Variants in EPS15 observed in about 807,000 individuals in gnomAD.
The protein encoded by EPS15 is epidermal growth factor receptor substrate 15.
In EPS15, 72 loss-of-function variants were observed where a neutral mutation model predicts 113.8. The ratio of observed to expected loss-of-function variants is 0.63; its 90% CI spans 0.52 to 0.77. The LOEUF is 0.77. Ranked by LOEUF, EPS15 falls within the 30% of genes least tolerant of loss-of-function variation. The pLI, the probability that EPS15 is intolerant of heterozygous loss-of-function variation, is 0.00. For synonymous variants in EPS15, 344 were observed against 363.4 expected, an observed-to-expected ratio of 0.95 and a Z score of 0.61; for missense variants, 1,048 against 1,045.8, an observed-to-expected ratio of 1.00 and a Z score of -0.03.
At chr1:51,400,712 CAAA>C (rs375748381) in intron 19 of EPS15, among the ~76,000 whole-genome samples, 3 of 60,184 alleles carry the variant, frequency 5.0e-5, no homozygotes, top group African/African-American at 1.3e-4. Flanking sequence ...CAAAAAACAC[CAAA>C]AAAAAAAAAA....
chr1:51,444,879 G>A lies in EPS15; in HGVS notation c.954+10C>T. 1 of 1,609,416 alleles carries A rather than the reference G, an allele frequency of 6.2e-7. No homozygotes were observed. Among genetic ancestry groups the A allele is most frequent in the East Asian group, 2.2e-5 (1 of 44,828 alleles). On this transcript the variant is annotated intron_variant, in intron 11 of 24. Transcript: ENST00000371733. ...TTAATACATTCAGGTTTCCTTTTAA[G>A]CTTTCTTACCTTTTGTAAACTGGCC...
intron 21 of EPS15, chr1:51,373,176 A>C (rs964683583): frequency 6.3e-6 from 1 of 157,788 alleles, no homozygotes; most frequent in Non-Finnish European, 1.4e-5. Context: ...AGTAAGATAT[A>C]GATAAGGAAA....
chr1:51,490,430 T>C (rs1644210869), intron 1 of EPS15: 1 of 300,466 alleles, frequency 3.3e-6, no homozygotes, highest in South Asian at 2.4e-5. Flanking sequence ...CTGGGCGTGG[T>C]GGCGGGTGCC....
rs1260691229 is a variant in EPS15, at chr1:51,361,226, G to C, written c.2489C>G (p.Ala830Gly). The change falls in exon 24 of 25, where the codon GCT becomes GGT. Residue 830 changes from alanine to glycine, a missense_variant. Transcript: ENST00000371733. ...PEIFCDPFTS[A>G]TTTTNKEADP... Reference sequence around the variant, plus strand: ...AGCCTCTTTATTGGTAGTGGTAGTAGCAGAAGTGAATGGATCACAAAATAT... The same window carrying C: ...AGCCTCTTTATTGGTAGTGGTAGTACCAGAAGTGAATGGATCACAAAATAT... 1 of 1,613,932 alleles carries C rather than the reference G, an allele frequency of 6.2e-7. No homozygotes were observed. Among genetic ancestry groups the C allele is most frequent in the East Asian group, 2.2e-5 (1 of 44,872 alleles).
At chr1:51,430,977 TAC>T (rs67920039) in intron 12 of EPS15, among the ~76,000 whole-genome samples, 30,938 of 121,736 alleles carry the variant, frequency 0.25, 3,581 homozygotes, top group East Asian at 0.48. Flanking sequence ...ATTACTTACA[TAC>T]ACACACACAC....
intron 2 of EPS15, among the ~76,000 whole-genome samples, chr1:51,480,515 GTTGT>G (rs150980910): frequency 0.012 from 1,757 of 152,114 alleles, 11 homozygotes; most frequent in Non-Finnish European, 0.017. Flanking sequence ...TTTTTTTGTT[GTTGT>G]TTGTTTGTTT....
At chr1:51,452,982 C>T (rs979849418) in intron 8 of EPS15, among the ~76,000 whole-genome samples, 10 of 152,316 alleles carry the variant, frequency 6.6e-5, no homozygotes, top group Non-Finnish European at 1.5e-4. Context: ...AGGAACCACA[C>T]TTAACCAAGA....
chr1:51,374,995 T>TC (rs1646757914), intron 21 of EPS15, among the ~76,000 whole-genome samples: 1 of 141,624 alleles, frequency 7.1e-6, no homozygotes, highest in African/African-American at 2.7e-5. Flanking sequence ...TTAATATACT[T>TC]CTTTTTTTTT....
intron 1 of EPS15, among the ~76,000 whole-genome samples, chr1:51,494,536 C>G (rs975552679): frequency 6.6e-6 from 1 of 152,236 alleles, no homozygotes; most frequent in Non-Finnish European, 1.5e-5. Context: ...TTTGATGCTG[C>G]AGCTGAGAAA....
chr1:51,456,361 G>A (rs897856733), intron 8 of EPS15, among the ~76,000 whole-genome samples: 32 of 152,006 alleles, frequency 2.1e-4, no homozygotes, highest in Admixed American at 9.2e-4. Context: ...CAGACACGGG[G>A]TCTTTAAAAC....
chr1:51,418,493 T>C (rs1477669995), intron 13 of EPS15, among the ~76,000 whole-genome samples: 4 of 150,984 alleles, frequency 2.6e-5, no homozygotes, highest in African/African-American at 9.7e-5. Context: ...GCTACAAAGA[T>C]AGGAAGGGGG....
At chr1:51,464,248 T>A (rs1447482641) in intron 6 of EPS15, among the ~76,000 whole-genome samples, 2 of 151,502 alleles carry the variant, frequency 1.3e-5, no homozygotes, top group Non-Finnish European at 2.9e-5. Flanking sequence ...TAAAATTTTT[T>A]TTTTTTTTTG....
In EPS15 at chr1:51,471,737, T is replaced by C. The variant is rs201838612; in HGVS notation, c.166A>G (p.Ile56Val). The change falls in exon 4 of 25, where the codon ATT (isoleucine) becomes GTT (valine). Residue 56 changes from isoleucine (I) to valine (V), a missense_variant and splice_region_variant. Physicochemically the swap from Ile to Val is conservative, Grantham distance 29. Transcript: ENST00000371733. ...CCATCTGTGTCGGCTAAATCCCAAA[T>C]CTGAAATTTAGGGGGAAAAAATATC... The part of the protein sequence containing the change: ...SGLPDLILGK[I>V]WDLADTDGKG... 7.5e-6 allele frequency: 12 copies of C among 1,606,646 alleles called. No homozygotes were observed. The highest frequency in any genetic ancestry group is 1.0e-5 in the Non-Finnish European group (12 of 1,174,178).
intron 1 of EPS15, among the ~76,000 whole-genome samples, chr1:51,481,932 G>T (rs1644027570): frequency 6.6e-6 from 1 of 152,186 alleles, no homozygotes; most frequent in Admixed American, 6.5e-5. Flanking sequence ...CACTTTGGGA[G>T]GCTGAGGCAG....
At chr1:51,387,897 A>G (rs1316264329) in intron 21 of EPS15, among the ~76,000 whole-genome samples, 1 of 152,238 alleles carries the variant, frequency 6.6e-6, no homozygotes, top group East Asian at 1.9e-4. Flanking sequence ...CACTGTTAAC[A>G]TTAGACAGAT....
intron 1 of EPS15, among the ~76,000 whole-genome samples, chr1:51,496,227 T>C (rs143380413): frequency 2.0e-5 from 3 of 152,268 alleles, no homozygotes; most frequent in African/African-American, 7.2e-5. Context: ...CACACCTAGT[T>C]AAGTGTTGGT....
intron 1 of EPS15, among the ~76,000 whole-genome samples, chr1:51,501,322 T>C (rs1254048765): frequency 4.0e-5 from 6 of 148,664 alleles, no homozygotes; most frequent in East Asian, 4.2e-4. Flanking sequence ...GAAGGAGAAT[T>C]GCTTGAACCC....
At chr1:51,413,013 T>C (rs1271159987) in intron 13 of EPS15, among the ~76,000 whole-genome samples, 1 of 152,240 alleles carries the variant, frequency 6.6e-6, no homozygotes, top group South Asian at 2.1e-4. Flanking sequence ...AAGTAAAACT[T>C]GCTGCAAGAC....
chr1:51,504,146 T>C (rs1364749352), intron 1 of EPS15, among the ~76,000 whole-genome samples: 2 of 152,134 alleles, frequency 1.3e-5, no homozygotes, highest in African/African-American at 2.4e-5. Flanking sequence ...AGGTGGCTTA[T>C]GTCAGCCTGT....
Sources: allele counts gnomAD v4.1 joint callset (sites outside exome capture counted in the v4.1 genomes callset), GRCh38; gene constraint gnomAD v4.1.1; transcripts MANE v1.5; gene names NCBI Gene and HGNC (gene_info 2026-07-23, HGNC 2026-07-21).